Variants in KIAA1586 observed in about 807,000 individuals in gnomAD.
The protein encoded by KIAA1586 is E3 SUMO-protein ligase KIAA1586.
KIAA1586 carries 5 observed loss-of-function variants against 6.1 expected under a neutral mutation model. The ratio of observed to expected loss-of-function variants is 0.82; its 90% CI spans 0.43 to 1.73. The LOEUF (loss-of-function observed/expected upper bound fraction) is 1.73. Among genes scored for constraint, KIAA1586 ranks in the 40% most tolerant of loss-of-function variants. The pLI is 0.02. For synonymous variants in KIAA1586, 280 were observed against 301.7 expected (o/e 0.93, Z 0.75); for missense variants, 899 against 878.2 (o/e 1.02, Z -0.30).
chr6:57,054,151 A>G lies in KIAA1586; in HGVS notation c.1652A>G (p.Lys551Arg), dbSNP rs1327555149. 1 of 1,589,404 alleles carries G rather than the reference A, an allele frequency of 6.3e-7. No individual in the cohort carries two copies. Among genetic ancestry groups the G allele is most frequent in the Non-Finnish European group, 8.5e-7 (1 of 1,170,428 alleles). The change falls in exon 4 of 4, where the codon AAG becomes AGG. Residue 551 changes from lysine to arginine, a missense_variant. Lys to Arg is a conservative substitution (Grantham distance 26). Transcript: ENST00000370733. Reference sequence around the variant, plus strand: ...TTACAGTCAAGATCAACTAATATTAAGAAAGCACAAAAATTGATCAAACGT... The same window carrying G: ...TTACAGTCAAGATCAACTAATATTAGGAAAGCACAAAAATTGATCAAACGT... ...TALQSRSTNI[K>R]KAQKLIKRTI... is the part of the protein sequence containing the mutation.
downstream of KIAA1586, among the ~76,000 whole-genome samples, chr6:57,057,495 G>T (rs933330815): frequency 6.6e-6 from 1 of 152,082 alleles, no homozygotes; most frequent in Non-Finnish European, 1.5e-5. Flanking sequence ...GTTCACACGT[G>T]TAATCCCAGC....
In KIAA1586 at chr6:57,053,688, G is replaced by A; in HGVS notation, c.1189G>A (p.Gly397Arg). ...FCSDGANTILGRKSGVATKLL... is the reference protein window; with the variant it reads ...FCSDGANTILRRKSGVATKLL... ...TTCTGATGGTGCTAATACAATCCTG[G>A]GAAGAAAGTCTGGAGTAGCTACAAA... The change falls in exon 4 of 4, where the codon GGA becomes AGA. Residue 397 changes from glycine to arginine, a missense_variant. Coordinates refer to ENST00000370733, the MANE Select transcript of KIAA1586 (RefSeq NM_020931.4). 1 of 1,611,326 alleles carries A rather than the reference G, an allele frequency of 6.2e-7. No individual in the cohort carries two copies. The highest frequency in any genetic ancestry group is 8.5e-7 in the Non-Finnish European group (1 of 1,177,972).
chr6:57,051,828 G>A (rs1418556681), intron 3 of KIAA1586, among the ~76,000 whole-genome samples: 2 of 152,126 alleles, frequency 1.3e-5, no homozygotes, highest in Admixed American at 6.5e-5. Flanking sequence ...CAACTAATTA[G>A]CCAGGTGTCG....
At chr6:57,058,766 G>C (rs183688655), downstream of KIAA1586, among the ~76,000 whole-genome samples, 3 of 152,152 alleles carry the variant, frequency 2.0e-5, no homozygotes, top group Admixed American at 1.3e-4. Context: ...CATTGTATTT[G>C]ATGTCATGTA....
At chr6:57,046,800 G>T (rs1265764335) in intron 1 of KIAA1586, 24 bp downstream of exon 1, 1 of 1,609,038 alleles carries the variant, frequency 6.2e-7, no homozygotes, top group Admixed American at 1.7e-5. Flanking sequence ...TGAGGGTCCT[G>T]GCGTTCTCAG....
At chr6:57,051,651 C>G (rs570074069) in intron 3 of KIAA1586, among the ~76,000 whole-genome samples, 2 of 148,722 alleles carry the variant, frequency 1.3e-5, no homozygotes, top group Non-Finnish European at 2.9e-5. Flanking sequence ...TTCCAAAACT[C>G]GGCCAGGCAT....
At chr6:57,066,229 A>G in the KIAA1586 span, among the ~76,000 whole-genome samples, 1 of 152,066 alleles carries the variant, frequency 6.6e-6, no homozygotes, top group African/African-American at 2.4e-5. Context: ...CAGTGAGCCA[A>G]GATCTCAACT....
At chr6:57,047,841 C>G (rs1828221889) in intron 2 of KIAA1586, among the ~76,000 whole-genome samples, 1 of 106,530 alleles carries the variant, frequency 9.4e-6, no homozygotes, top group Admixed American at 1.0e-4. Flanking sequence ...CCTCTGAGAT[C>G]ATCATGTTAC....
rs1162874192 is a variant in KIAA1586, at chr6:57,054,624, A to C, written c.2125A>C (p.Arg709=). 6.3e-7 allele frequency: 1 copy of C among 1,593,272 alleles called. No homozygotes were observed. The highest frequency in any genetic ancestry group is 1.1e-5 in the South Asian group (1 of 88,908). ...TGCAATCAATAGTGCTGAAGCTGAA[A>C]GGGGTTTCAATTTAATGAACATAAT... ...TIAINSAEAE[R]GFNLMNIICT... Residue 709 remains arginine (R), a synonymous_variant, in exon 4 of 4, where the codon AGG becomes CGG. Coordinates refer to ENST00000370733, the MANE Select transcript of KIAA1586 (RefSeq NM_020931.4).
At position 57,053,782 on chromosome 6, in the gene KIAA1586, A is replaced by G; in HGVS notation, c.1283A>G (p.Asp428Gly). ...CLNHRLQLSL[D>G]DSISEIKQIN... ...AATCATCGATTACAATTGTCACTTGATGATTCTATATCCGAAATAAAACAA... is the reference window on the plus strand; with the variant it reads ...AATCATCGATTACAATTGTCACTTGGTGATTCTATATCCGAAATAAAACAA... The change falls in exon 4 of 4, where the codon GAT (aspartate) becomes GGT (glycine). Residue 428 changes from aspartate (D) to glycine (G), a missense_variant. By Grantham distance (94) the Asp-to-Gly change is moderately conservative (BLOSUM62 -1). Coordinates refer to ENST00000370733, the MANE Select transcript of KIAA1586 (RefSeq NM_020931.4). 1 of 1,569,204 alleles carries G rather than the reference A, an allele frequency of 6.4e-7. No individual in the cohort carries two copies. Among genetic ancestry groups the G allele is most frequent in the South Asian group, 1.2e-5 (1 of 84,104 alleles).
Position 57,052,879 on chromosome 6 carries a change from A to G in KIAA1586, c.380A>G (p.Glu127Gly), listed in dbSNP as rs1380800366. 1 of 1,613,022 alleles carries G rather than the reference A, an allele frequency of 6.2e-7. No individual in the cohort carries two copies. Among genetic ancestry groups the G allele is most frequent in the African/African-American group, 1.3e-5 (1 of 74,942 alleles). Residue 127 changes from glutamate to glycine, a missense_variant, in exon 4 of 4, where the codon GAA (glutamate) becomes GGA (glycine). Transcript: ENST00000370733. ...AAGCCATCACTTTCATCAAAGAAAG[A>G]AATAGATAATCTTGTGCTTCCAGAT... ...EEKPSLSSKKEIDNLVLPDCW... is the reference protein window; with the variant it reads ...EEKPSLSSKKGIDNLVLPDCW...
At chr6:57,059,464 G>A (rs1230920570), downstream of KIAA1586, among the ~76,000 whole-genome samples, 12 of 151,920 alleles carry the variant, frequency 7.9e-5, no homozygotes, top group Admixed American at 7.9e-4. Flanking sequence ...GGTGGTGGGT[G>A]CCTGTAGTCC....
the KIAA1586 span, among the ~76,000 whole-genome samples, chr6:57,064,270 G>GAAT: frequency 2.0e-5 from 3 of 152,162 alleles, no homozygotes; most frequent in Non-Finnish European, 4.4e-5. Flanking sequence ...ATGGAATAAA[G>GAAT]AATAAAAGTT....
At chr6:57,057,267 A>C (rs942818699), downstream of KIAA1586, among the ~76,000 whole-genome samples, 1 of 152,078 alleles carries the variant, frequency 6.6e-6, no homozygotes, top group Admixed American at 6.6e-5. Flanking sequence ...GTTAAGCACC[A>C]AACAATTGCT....
rs1342373327 is a variant in KIAA1586, at chr6:57,054,154, AAG to A, written c.1656_1657del (p.Lys552AsnfsTer23). The A allele has an allele frequency of 1.9e-6, 3 of 1,588,480 alleles. No homozygotes were observed. Among genetic ancestry groups the A allele is most frequent in the Middle Eastern group, 1.7e-4 (1 of 5,916 alleles). ...CAGTCAAGATCAACTAATATTAAGA[AAG>A]CACAAAAATTGATCAAACGTACCAT... is the stretch of plus-strand genomic sequence containing the variant. On this transcript the variant is annotated frameshift_variant, in exon 4 of 4. Transcript: ENST00000370733. LOFTEE classifies it low-confidence loss of function (END_TRUNC).
At chr6:57,052,541 T>G in intron 3 of KIAA1586, 145 bp from the exon 4 acceptor site, 1 of 535,260 alleles carries the variant, frequency 1.9e-6, no homozygotes, top group African/African-American at 1.9e-5. Context: ...CAAGTCATAT[T>G]GATATTATAG....
In KIAA1586 at chr6:57,053,317, A is replaced by G; in HGVS notation, c.818A>G (p.Gln273Arg). ...LSDIEGAREL[Q>R]EKNGEVNCLN... ...GATATTGAGGGGGCAAGAGAATTAC[A>G]GGAAAAAAATGGAGAGGTAAATTGT... The change falls in exon 4 of 4, where the codon CAG becomes CGG. Residue 273 changes from glutamine (Q) to arginine (R), a missense_variant. Physicochemically the swap from Gln to Arg is conservative, Grantham distance 43. Transcript: ENST00000370733. The G allele has an allele frequency of 6.2e-7, 1 of 1,612,762 alleles. No homozygotes were observed. Among genetic ancestry groups the G allele is most frequent in the Non-Finnish European group, 8.5e-7 (1 of 1,179,192 alleles).
At chr6:57,057,669 G>A (rs989344927), downstream of KIAA1586, among the ~76,000 whole-genome samples, 5 of 152,036 alleles carry the variant, frequency 3.3e-5, no homozygotes, top group Non-Finnish European at 5.9e-5. Flanking sequence ...CAGGAGAATT[G>A]CTTGAACCTG....
intron 2 of KIAA1586, among the ~76,000 whole-genome samples, chr6:57,049,104 A>G (rs770721368): frequency 6.6e-6 from 1 of 152,232 alleles, no homozygotes; most frequent in Non-Finnish European, 1.5e-5. Flanking sequence ...CAAAGGTTTG[A>G]CAGCTCTTAT....
Sources: gnomAD v4.1 joint callset for allele counts (sites outside exome capture counted in the v4.1 genomes callset) on GRCh38, gnomAD v4.1.1 for gene constraint, MANE v1.5 for transcripts, NCBI Gene and HGNC (gene_info 2026-07-23, HGNC 2026-07-21) for gene names.